Variants in EML5 observed in about 807,000 individuals in gnomAD.
The protein encoded by EML5 is EMAP like 5.
A neutral mutation model predicts 250.0 loss-of-function variants in EML5; 120 were observed. The observed-to-expected ratio is 0.48, with a 90% CI of 0.41 to 0.56. The LOEUF (loss-of-function observed/expected upper bound fraction) is 0.56. EML5 is among the 20% of genes least tolerant of loss of function. The pLI, the probability that EML5 is intolerant of heterozygous loss-of-function variation, is 0.00. For missense variants in EML5, 2,006 were observed against 2,437.6 expected, an observed-to-expected ratio of 0.82 and a Z score of 3.73; for synonymous variants, 771 against 806.5, an observed-to-expected ratio of 0.96 and a Z score of 0.75.
chr14:88,792,681 G>A lies in EML5; in HGVS notation c.-178C>T, dbSNP rs902615599. ...GCCGCCGCCGCCTCAGCCCACAGGCGGGAGGAAAACCCTCGCCTCGCGGAA... is the reference window on the plus strand; with the variant it reads ...GCCGCCGCCGCCTCAGCCCACAGGCAGGAGGAAAACCCTCGCCTCGCGGAA... On this transcript the variant is annotated 5_prime_UTR_variant, in exon 1 of 44. Transcript: ENST00000554922. The surrounding 1 kb of genome is among the most constrained non-coding windows in gnomAD (Gnocchi z 6.9). 1.6e-5 allele frequency: 18 copies of A among 1,137,358 alleles called. No individual in the cohort carries two copies. The highest frequency in any genetic ancestry group is 1.9e-5 in the Non-Finnish European group (18 of 928,540). 70.5% of individuals were successfully genotyped at this position (1,137,358 alleles called of 1,614,324 possible). A position where few individuals can be genotyped will look rare whatever the true frequency, so the allele number is the denominator to read the frequency against.
At chr14:88,672,307 T>C (rs2092483897) in intron 21 of EML5, among the ~76,000 whole-genome samples, 1 of 152,058 alleles carries the variant, frequency 6.6e-6, no homozygotes, top group South Asian at 2.1e-4. Context: ...CCTGGGTAAA[T>C]AATGAAATTA....
At chr14:88,723,161 CCAGCACTTT>C (rs1294327368) in intron 8 of EML5, among the ~76,000 whole-genome samples, 2 of 152,194 alleles carry the variant, frequency 1.3e-5, no homozygotes, top group African/African-American at 4.8e-5. Flanking sequence ...GCCTGTAATC[CCAGCACTTT>C]CAGCAGCTGA....
intron 8 of EML5, among the ~76,000 whole-genome samples, chr14:88,715,494 T>G (rs1056486781): frequency 6.6e-6 from 1 of 152,256 alleles, no homozygotes; most frequent in African/African-American, 2.4e-5. Context: ...AATAAAGTAA[T>G]AGATTTTTAT....
intron 9 of EML5, among the ~76,000 whole-genome samples, chr14:88,714,396 TG>T (rs2139902976): frequency 6.6e-6 from 1 of 152,236 alleles, no homozygotes; most frequent in South Asian, 2.1e-4. Context: ...TAGAGGTTGG[TG>T]GGGGCCGGGG....
chr14:88,769,768 A>C (rs766415570), intron 1 of EML5, among the ~76,000 whole-genome samples: 3 of 152,210 alleles, frequency 2.0e-5, no homozygotes, highest in Non-Finnish European at 4.4e-5. Flanking sequence ...ATGAATTCGT[A>C]TCAACACTTC....
intron 31 of EML5, among the ~76,000 whole-genome samples, chr14:88,639,189 T>C (rs1228541676): frequency 6.6e-6 from 1 of 152,156 alleles, no homozygotes; most frequent in Non-Finnish European, 1.5e-5. Flanking sequence ...GCAGAAAAGA[T>C]TAATCTCATC....
At chr14:88,719,372 C>T (rs545961298) in intron 8 of EML5, among the ~76,000 whole-genome samples, 10 of 152,228 alleles carry the variant, frequency 6.6e-5, no homozygotes, top group South Asian at 4.1e-4. Flanking sequence ...GGCAACAGAG[C>T]GAGACCTTGT....
At chr14:88,690,085 G>C (rs2092923020) in intron 17 of EML5, among the ~76,000 whole-genome samples, 1 of 152,182 alleles carries the variant, frequency 6.6e-6, no homozygotes, top group Admixed American at 6.5e-5. Flanking sequence ...GGAGCAGCAA[G>C]TGCAAAGGCC....
chr14:88,768,216 C>T (rs979250279), intron 1 of EML5, among the ~76,000 whole-genome samples: 2 of 152,100 alleles, frequency 1.3e-5, no homozygotes, highest in South Asian at 2.1e-4. Flanking sequence ...ATGTTTACCT[C>T]GATCCCTTGG....
intron 2 of EML5, among the ~76,000 whole-genome samples, chr14:88,746,813 G>A (rs767820547): frequency 7.9e-5 from 12 of 151,976 alleles, no homozygotes; most frequent in African/African-American, 1.7e-4. Context: ...TAAACCTCTC[G>A]GAAACAACAA....
At chr14:88,787,895 C>T (rs2094567176) in intron 1 of EML5, among the ~76,000 whole-genome samples, 1 of 152,122 alleles carries the variant, frequency 6.6e-6, no homozygotes, top group South Asian at 2.1e-4. Context: ...TCTCAAACGG[C>T]TTGTGTTAAG....
chr14:88,716,676 A>G (rs1275877381), intron 8 of EML5, among the ~76,000 whole-genome samples: 1 of 152,044 alleles, frequency 6.6e-6, no homozygotes, highest in Non-Finnish European at 1.5e-5. Context: ...CTTCCAATTA[A>G]GAAGAGAAGA....
At chr14:88,766,786 C>T (rs933341536) in intron 1 of EML5, among the ~76,000 whole-genome samples, 2 of 152,168 alleles carry the variant, frequency 1.3e-5, no homozygotes, top group African/African-American at 4.8e-5. Flanking sequence ...AACCTGCCAA[C>T]ATGTGATGTC....
At chr14:88,692,206 T>C (rs1258701023) in intron 17 of EML5, among the ~76,000 whole-genome samples, 1 of 152,064 alleles carries the variant, frequency 6.6e-6, no homozygotes, top group Non-Finnish European at 1.5e-5. Flanking sequence ...TGAAACCCCA[T>C]CTCTGCTAAA....
In EML5 at chr14:88,661,853, T is replaced by C. The variant is rs1277865575; in HGVS notation, c.3499-23A>G. ...TACCTAAAAATGAAAAACAATGCTG[T>C]AAGTTTGGATTATCCAAACCTAAAG... On this transcript the variant is annotated intron_variant, in intron 24 of 43. Coordinates refer to ENST00000554922, the MANE Select transcript of EML5 (RefSeq NM_183387.3). 5.0e-6 allele frequency: 8 copies of C among 1,596,650 alleles called. No individual in the cohort carries two copies. In the South Asian group the frequency reaches 9.0e-5, roughly 18 times the overall value.
At chr14:88,672,995 C>G (rs1330974202) in intron 21 of EML5, among the ~76,000 whole-genome samples, 1 of 152,094 alleles carries the variant, frequency 6.6e-6, no homozygotes, top group Non-Finnish European at 1.5e-5. Flanking sequence ...TGAAACTATT[C>G]CAAACAGCTG....
chr14:88,746,251 A>C lies in EML5; in HGVS notation c.390T>G (p.Asn130Lys). 6.2e-7 allele frequency: 1 copy of C among 1,613,470 alleles called. No individual in the cohort carries two copies. Among genetic ancestry groups the C allele is most frequent in the Non-Finnish European group, 8.5e-7 (1 of 1,179,572 alleles). The change falls in exon 3 of 44, where the codon AAT (asparagine) becomes AAG (lysine). Residue 130 changes from asparagine to lysine, a missense_variant. Around this residue, in one of 7 missense-constraint regions of EML5, gnomAD observed 162 missense variants for 212.2 expected, o/e 0.76. Transcript: ENST00000554922. ...TTTTCCAGTCCCAAACACAAACTGC[A>C]TTCTTTGAATCAAGTCCAACTGAAA... is the stretch of plus-strand genomic sequence containing the variant. ...RLVSVGLDSK[N>K]AVCVWDWKRG...
intron 3 of EML5, among the ~76,000 whole-genome samples, chr14:88,745,266 T>A (rs1035425569): frequency 1.3e-5 from 2 of 151,670 alleles, no homozygotes; most frequent in Non-Finnish European, 2.9e-5. Flanking sequence ...ACACAAAATT[T>A]TCTACCCAAC....
intron 7 of EML5, among the ~76,000 whole-genome samples, chr14:88,732,174 C>T (rs1329891712): frequency 1.3e-5 from 2 of 152,004 alleles, no homozygotes; most frequent in Non-Finnish European, 1.5e-5. Flanking sequence ...GCCTAGGTTT[C>T]CTTCTAGGGT....
Sources: allele counts gnomAD v4.1 joint callset (sites outside exome capture counted in the v4.1 genomes callset), GRCh38; gene constraint gnomAD v4.1.1; regional missense constraint gnomAD v4.1.1; non-coding constraint Gnocchi (gnomAD v3.1); transcripts MANE v1.5; gene names NCBI Gene and HGNC (gene_info 2026-07-23, HGNC 2026-07-21).